CACNA2D3: variants seen among roughly 807,000 people sequenced by gnomAD.
CACNA2D3 encodes the protein voltage-dependent calcium channel subunit alpha-2/delta-3.
A neutral mutation model predicts 160.6 loss-of-function variants in CACNA2D3; 60 were observed. That is an observed-to-expected ratio of 0.37 (90% confidence interval 0.30 to 0.46). The LOEUF (loss-of-function observed/expected upper bound fraction) is 0.46. Among genes scored for constraint, CACNA2D3 ranks in the 20% least tolerant of loss-of-function variants. CACNA2D3 has a pLI of 1.00. For missense variants in CACNA2D3, 1,205 were observed against 1,365.0 expected (o/e 0.88, Z 1.85); for synonymous variants, 558 against 492.9 (o/e 1.13, Z -1.75).
At chr3:54,883,668 C>T (rs954629930) in intron 21 of CACNA2D3, among the ~76,000 whole-genome samples, 2 of 152,102 alleles carry the variant, frequency 1.3e-5, no homozygotes, top group African/African-American at 4.8e-5. Context: ...GGTACAGTCC[C>T]TTCTCAGGGC....
chr3:54,581,888 C>G lies in CACNA2D3; in HGVS notation c.963+11C>G, dbSNP rs1702683850. 2.5e-6 allele frequency: 4 copies of G among 1,611,478 alleles called. No individual in the cohort carries two copies. The East Asian group carries it at 8.9e-5, about 36-fold the overall frequency. Reference sequence around the variant, plus strand: ...AGGACAAACAAAGAGGTAGGGGCAGCTCGGGGGAGCATTCCAGTCATGGTA... The same window carrying G: ...AGGACAAACAAAGAGGTAGGGGCAGGTCGGGGGAGCATTCCAGTCATGGTA... On this transcript the variant is annotated intron_variant, in intron 9 of 37. Transcript: ENST00000474759.
chr3:54,930,711 T>C (rs1559634568), intron 27 of CACNA2D3, among the ~76,000 whole-genome samples: 1 of 152,316 alleles, frequency 6.6e-6, no homozygotes, highest in East Asian at 1.9e-4. Flanking sequence ...ATTCTATCTG[T>C]AGAATGTAGA....
intron 4 of CACNA2D3, among the ~76,000 whole-genome samples, chr3:54,438,613 T>C (rs9842479): frequency 3.1e-4 from 47 of 152,220 alleles, no homozygotes; most frequent in African/African-American, 1.0e-3. Context: ...TGGCCTGTCT[T>C]TTGTAGCTAG....
At chr3:54,288,248 C>T (rs1241697433) in intron 2 of CACNA2D3, among the ~76,000 whole-genome samples, 1 of 152,170 alleles carries the variant, frequency 6.6e-6, no homozygotes, top group Non-Finnish European at 1.5e-5. Flanking sequence ...GATATCACCA[C>T]CGATTCCACA....
At chr3:54,628,960 C>CA (rs773950447) in intron 10 of CACNA2D3, among the ~76,000 whole-genome samples, 2 of 152,066 alleles carry the variant, frequency 1.3e-5, no homozygotes, top group Non-Finnish European at 2.9e-5. Context: ...GAGACACAGT[C>CA]ACGGCCAGAA....
intron 4 of CACNA2D3, among the ~76,000 whole-genome samples, chr3:54,417,609 G>A (rs1461059822): frequency 6.6e-6 from 1 of 152,126 alleles, no homozygotes; most frequent in Non-Finnish European, 1.5e-5. Context: ...TAATGTCTGA[G>A]AATAAAATTA....
At chr3:54,564,942 C>A (rs150064613) in intron 6 of CACNA2D3, among the ~76,000 whole-genome samples, 38 of 152,272 alleles carry the variant, frequency 2.5e-4, no homozygotes, top group Non-Finnish European at 4.6e-4. Flanking sequence ...GAATTTGAAT[C>A]CTTCCTTTCA....
At chr3:54,711,723 GGGAA>G (rs1307596922) in intron 11 of CACNA2D3, among the ~76,000 whole-genome samples, 9 of 152,182 alleles carry the variant, frequency 5.9e-5, no homozygotes, top group Admixed American at 2.0e-4. Flanking sequence ...TTGGGACTCT[GGGAA>G]AAAGGAGAAA....
intron 9 of CACNA2D3, among the ~76,000 whole-genome samples, chr3:54,607,930 A>C (rs1418875391): frequency 6.6e-6 from 1 of 152,238 alleles, no homozygotes; most frequent in Non-Finnish European, 1.5e-5. Context: ...ATACTGTATG[A>C]TTCCATTTAT....
At chr3:54,821,534 C>G (rs1018199572) in intron 14 of CACNA2D3, among the ~76,000 whole-genome samples, 1 of 152,070 alleles carries the variant, frequency 6.6e-6, no homozygotes, top group Non-Finnish European at 1.5e-5. Context: ...TAATTTCTCC[C>G]CCTGAGTGCA....
intron 14 of CACNA2D3, among the ~76,000 whole-genome samples, chr3:54,833,258 C>T (rs184415571): frequency 9.2e-5 from 14 of 152,260 alleles, no homozygotes; most frequent in Admixed American, 4.6e-4. Flanking sequence ...GCACCACAAC[C>T]ACAGGTTTCA....
intron 31 of CACNA2D3, among the ~76,000 whole-genome samples, chr3:54,992,013 G>C (rs992035481): frequency 2.6e-5 from 4 of 151,772 alleles, no homozygotes; most frequent in Non-Finnish European, 5.9e-5. Flanking sequence ...CTACATAGCA[G>C]TTACCTTTAC....
intron 18 of CACNA2D3, among the ~76,000 whole-genome samples, chr3:54,872,355 C>T (rs766796406): frequency 4.6e-5 from 7 of 152,140 alleles, no homozygotes; most frequent in African/African-American, 1.7e-4. Context: ...ATCATAACTT[C>T]CCAGGTGTTT....
intron 11 of CACNA2D3, among the ~76,000 whole-genome samples, chr3:54,700,428 A>G (rs1003776855): frequency 2.0e-5 from 3 of 152,228 alleles, no homozygotes; most frequent in African/African-American, 7.2e-5. Flanking sequence ...CAAATTAAAA[A>G]TTCAATTCCT....
chr3:54,391,456 G>T (rs768301635), intron 4 of CACNA2D3, among the ~76,000 whole-genome samples: 7 of 151,852 alleles, frequency 4.6e-5, no homozygotes, highest in Non-Finnish European at 7.4e-5. Context: ...ATCCTCCATA[G>T]AAAACAGATG....
intron 4 of CACNA2D3, among the ~76,000 whole-genome samples, chr3:54,404,859 A>G (rs1464405437): frequency 6.6e-6 from 1 of 152,090 alleles, no homozygotes; most frequent in African/African-American, 2.4e-5. Context: ...AAATAATCTC[A>G]TTTCTAATAG....
At chr3:54,855,235 C>T (rs1229907160) in intron 17 of CACNA2D3, among the ~76,000 whole-genome samples, 3 of 152,138 alleles carry the variant, frequency 2.0e-5, no homozygotes, top group Non-Finnish European at 2.9e-5. Context: ...TGTGTTCACC[C>T]GTGTCCTCTG....
chr3:54,660,762 C>G (rs1699954269), intron 11 of CACNA2D3, among the ~76,000 whole-genome samples: 3 of 152,196 alleles, frequency 2.0e-5, no homozygotes, highest in Admixed American at 6.5e-5. Flanking sequence ...TGGCTCCTCT[C>G]AGACCCTTCT....
At chr3:54,507,020 G>A (rs1701382003) in intron 5 of CACNA2D3, among the ~76,000 whole-genome samples, 2 of 151,996 alleles carry the variant, frequency 1.3e-5, no homozygotes, top group Non-Finnish European at 2.9e-5. Context: ...CACATATACA[G>A]TACATATACA....
Sources: gnomAD v4.1 joint callset for allele counts (sites outside exome capture counted in the v4.1 genomes callset) on GRCh38, gnomAD v4.1.1 for gene constraint, MANE v1.5 for transcripts, NCBI Gene and HGNC (gene_info 2026-07-23, HGNC 2026-07-21) for gene names.